The following RASL12 variants were observed in gnomAD, a reference collection of about 807,000 sequenced individuals.
RASL12 encodes the protein ras-like protein family member 12.
In RASL12, 16 loss-of-function variants were observed where a neutral mutation model predicts 22.9. The ratio of observed to expected loss-of-function variants is 0.70; its 90% CI spans 0.47 to 1.06. The LOEUF (loss-of-function observed/expected upper bound fraction) is 1.06. RASL12 is among the 50% of genes least tolerant of loss of function. The pLI, the probability that RASL12 is intolerant of heterozygous loss-of-function variation, is 0.00. For synonymous variants in RASL12, 159 were observed against 152.2 expected (o/e 1.04, Z -0.33); for missense variants, 306 against 353.1 (o/e 0.87, Z 1.07).
the RASL12 span, among the ~76,000 whole-genome samples, chr15:65,047,472 A>T: frequency 6.6e-6 from 1 of 152,242 alleles, no homozygotes; most frequent in Admixed American, 6.5e-5. Context: ...AGGAGTGGTC[A>T]ACATGAATAT....
At chr15:65,068,010 G>C, upstream of RASL12, 1 of 1,144,928 alleles carries the variant, frequency 8.7e-7, no homozygotes, top group Non-Finnish European at 1.1e-6. The surrounding 1 kb of genome is among the most constrained non-coding windows in gnomAD (Gnocchi z 4.2). Flanking sequence ...GCGGGGAGGA[G>C]GGGCCGGTGG....
At chr15:65,062,394 C>G (rs923899109) in intron 2 of RASL12, among the ~76,000 whole-genome samples, 3 of 152,216 alleles carry the variant, frequency 2.0e-5, no homozygotes, top group African/African-American at 7.2e-5. Context: ...CCATGCCACA[C>G]AGACCTCTGA....
At chr15:65,065,311 G>C (rs758628311) in intron 1 of RASL12, 38 bp from the exon 2 acceptor site, 36 of 1,589,116 alleles carry the variant, frequency 2.3e-5, no homozygotes, top group South Asian at 1.3e-4. Context: ...CATCTCCGCG[G>C]CCATGTCTAG....
chr15:65,058,642 C>T (rs2086764865), intron 3 of RASL12, 25 bp from the exon 4 acceptor site: 1 of 1,471,510 alleles, frequency 6.8e-7, no homozygotes, highest in Non-Finnish European at 9.1e-7. Context: ...AGAAGCCCCG[C>T]CGGGGGGCAG....
chr15:65,058,554 C>T lies in RASL12; in HGVS notation c.298G>A (p.Val100Ile), dbSNP rs369491615. The change falls in exon 4 of 5, where the codon GTC (valine) becomes ATC (isoleucine). Residue 100 changes from valine (V) to isoleucine (I), a missense_variant. Transcript: ENST00000220062. ...WAHAFLVVYS[V>I]DSRQSFDSSS... ...CTATCAAAGCTCTGGCGGCTGTCGACGCTGTACACCACCAGGAAGGCATGG... is the reference window on the plus strand; with the variant it reads ...CTATCAAAGCTCTGGCGGCTGTCGATGCTGTACACCACCAGGAAGGCATGG... The T allele has an allele frequency of 3.7e-5, 60 of 1,610,516 alleles. No individual in the cohort carries two copies. Among genetic ancestry groups the T allele is most frequent in the South Asian group, 8.8e-5 (8 of 90,638 alleles).
chr15:65,052,451 A>C (rs985916298), downstream of RASL12, among the ~76,000 whole-genome samples: 9 of 126,928 alleles, frequency 7.1e-5, no homozygotes, highest in African/African-American at 9.3e-5. Flanking sequence ...CCCAGGATGG[A>C]GTGCAGTGGC....
chr15:65,064,986 C>A (rs560611389), intron 2 of RASL12, among the ~76,000 whole-genome samples: 4 of 152,144 alleles, frequency 2.6e-5, no homozygotes, highest in Non-Finnish European at 4.4e-5. Context: ...GGTAAATCAG[C>A]CTCTCTTAGT....
downstream of RASL12, chr15:65,049,669 A>G (rs2140505866): frequency 5.7e-6 from 1 of 174,838 alleles, no homozygotes; most frequent in South Asian, 1.7e-4. Flanking sequence ...CCAGTGGCTC[A>G]GTCCTCCTCA....
In RASL12 at chr15:65,067,904, G is replaced by A. The variant is rs1379028796; in HGVS notation, c.-69C>T. The A allele has an allele frequency of 7.4e-7, 1 of 1,356,530 alleles. No individual in the cohort carries two copies. The highest frequency in any genetic ancestry group is 9.4e-7 in the Non-Finnish European group (1 of 1,059,534). The allele number at this position is 1,356,530 out of a possible 1,614,324, so 84.0% of individuals were successfully genotyped here. ...CCGCGCAGTGCGCCCGCCCGTCGGG[G>A]CCCAGGGGAGCGGGATGCAGGCTTC... On this transcript the variant is annotated 5_prime_UTR_variant, in exon 1 of 5. Transcript: ENST00000220062.
At chr15:65,065,303 T>A in intron 1 of RASL12, 30 bp from the exon 2 acceptor site, 1 of 1,602,292 alleles carries the variant, frequency 6.2e-7, no homozygotes, top group Non-Finnish European at 8.5e-7. Context: ...GTTGGCTCCA[T>A]CTCCGCGGCC....
At chr15:65,074,718 G>A (rs1173247324) in intron 1 of RASL12, among the ~76,000 whole-genome samples, 3 of 152,228 alleles carry the variant, frequency 2.0e-5, no homozygotes, top group African/African-American at 7.2e-5. Context: ...TTTGGAACAT[G>A]AGGAACGGTT....
chr15:65,057,922 G>C (rs940317902), intron 4 of RASL12, among the ~76,000 whole-genome samples: 4 of 152,174 alleles, frequency 2.6e-5, no homozygotes, highest in Admixed American at 6.5e-5. Flanking sequence ...ACCCAGAAGC[G>C]TTTCCCTTCA....
downstream of RASL12, chr15:65,051,424 A>C (rs1156740966): frequency 8.2e-7 from 1 of 1,219,476 alleles, no homozygotes; most frequent in Non-Finnish European, 1.2e-6. Flanking sequence ...TTGATGCTGT[A>C]AGCTGGGTCT....
intron 2 of RASL12, among the ~76,000 whole-genome samples, chr15:65,064,828 A>T (rs2140529506): frequency 6.6e-6 from 1 of 152,294 alleles, no homozygotes; most frequent in South Asian, 2.1e-4. Flanking sequence ...TCCTGACCTC[A>T]GGTGATCCAC....
At chr15:65,064,957 T>C (rs1437867746) in intron 2 of RASL12, among the ~76,000 whole-genome samples, 1 of 152,260 alleles carries the variant, frequency 6.6e-6, no homozygotes, top group Non-Finnish European at 1.5e-5. Flanking sequence ...TTAAAGTTTT[T>C]TCACACCTCA....
At chr15:65,072,865 T>C (rs1201539129), upstream of RASL12, among the ~76,000 whole-genome samples, 3 of 152,040 alleles carry the variant, frequency 2.0e-5, no homozygotes, top group Non-Finnish European at 4.4e-5. Flanking sequence ...CAGAGAGGCA[T>C]CGGAGCACAG....
intron 1 of RASL12, among the ~76,000 whole-genome samples, chr15:65,075,079 T>A (rs1016152771): frequency 6.6e-6 from 1 of 152,030 alleles, no homozygotes; most frequent in African/African-American, 2.4e-5. Flanking sequence ...CCAGCTGGAG[T>A]TCCAGGTGGG....
intron 1 of RASL12, among the ~76,000 whole-genome samples, chr15:65,074,684 AC>A (rs2086952709): frequency 6.6e-6 from 1 of 152,162 alleles, no homozygotes; most frequent in African/African-American, 2.4e-5. Context: ...GGAATGAGCC[AC>A]CGTTCCTGGC....
downstream of RASL12, chr15:65,051,748 C>T (rs4238399): frequency 0.4 from 259,037 of 642,918 alleles, 57,249 homozygotes; most frequent in East Asian, 0.81. Flanking sequence ...CAGTGTCCTT[C>T]GAGAACCCCA....
Sources: allele counts gnomAD v4.1 joint callset (sites outside exome capture counted in the v4.1 genomes callset), GRCh38; gene constraint gnomAD v4.1.1; non-coding constraint Gnocchi (gnomAD v3.1); transcripts MANE v1.5; gene names NCBI Gene and HGNC (gene_info 2026-07-23, HGNC 2026-07-21).